Variants in GPR107 observed in about 807,000 individuals in gnomAD.
The protein encoded by GPR107 is protein GPR107.
GPR107 carries 31 observed loss-of-function variants against 75.5 expected under a neutral mutation model. The ratio of observed to expected loss-of-function variants is 0.41; its 90% CI spans 0.31 to 0.55. GPR107 has a LOEUF of 0.55. Among genes scored for constraint, GPR107 ranks in the 20% least tolerant of loss-of-function variants. The pLI, the probability that GPR107 is intolerant of heterozygous loss-of-function variation, is 0.26. For synonymous variants in GPR107, 267 were observed against 251.3 expected, an observed-to-expected ratio of 1.06 and a Z score of -0.59; for missense variants, 572 against 665.7, an observed-to-expected ratio of 0.86 and a Z score of 1.55.
chr9:130,080,294 A>G (rs917273603), intron 5 of GPR107, among the ~76,000 whole-genome samples: 2 of 152,180 alleles, frequency 1.3e-5, no homozygotes, highest in African/African-American at 4.8e-5. Flanking sequence ...AAGGATATGA[A>G]TGCATTTGAG....
At chr9:130,089,789 G>A (rs1413635635) in intron 7 of GPR107, among the ~76,000 whole-genome samples, 1 of 152,102 alleles carries the variant, frequency 6.6e-6, no homozygotes, top group African/African-American at 2.4e-5. Context: ...CATTGAGTTT[G>A]GCACATGGTT....
chr9:130,135,601 G>A lies in GPR107; in HGVS notation c.*480G>A, dbSNP rs144203748. The A allele has an allele frequency of 6.6e-6, 1 of 151,972 alleles. No individual in the cohort carries two copies. Among genetic ancestry groups the A allele is most frequent in the Non-Finnish European group, 1.5e-5 (1 of 68,682 alleles). The allele number at this position is 151,972 out of a possible 1,614,324, so 9.4% of individuals were successfully genotyped here. ...GGGGAGAGTGCCATTGCCTGTTTGG[G>A]AGACAAAAATGAACGAAAACAGGTG... On this transcript the variant is annotated 3_prime_UTR_variant, in exon 18 of 18. Coordinates refer to ENST00000347136, the MANE Select transcript of GPR107 (RefSeq NM_020960.5).
chr9:130,080,838 A>T (rs1830478917), intron 5 of GPR107, among the ~76,000 whole-genome samples: 1 of 151,444 alleles, frequency 6.6e-6, no homozygotes, highest in Admixed American at 6.6e-5. Flanking sequence ...CTTTTTCTCC[A>T]TGTGTTGATT....
At chr9:130,124,824 TG>T in intron 14 of GPR107, 90 bp from the exon 15 acceptor site, 1 of 731,162 alleles carries the variant, frequency 1.4e-6, no homozygotes, top group Non-Finnish European at 2.3e-6. Flanking sequence ...GCATTAGAGG[TG>T]GCCTCTTGAC....
Position 130,112,121 on chromosome 9 carries a change from C to T in GPR107, c.1306+4582C>T, listed in dbSNP as rs1831322842. ...TAAATTTAATTAACAGTCTCTGCTGCTCACCATCCTTTTTTTGGGCCTTGT... is the reference window on the plus strand; with the variant it reads ...TAAATTTAATTAACAGTCTCTGCTGTTCACCATCCTTTTTTTGGGCCTTGT... On this transcript the variant is annotated intron_variant, in intron 14 of 17. Transcript: ENST00000347136. The surrounding 1 kb of genome is among the most constrained non-coding windows in gnomAD (Gnocchi z 4.0). 6.6e-6 allele frequency among the ~76,000 whole-genome samples: 1 copy of T among 152,234 alleles called. No individual in the cohort carries two copies. The highest frequency in any genetic ancestry group is 2.1e-4 in the South Asian group (1 of 4,834).
chr9:130,124,639 T>G (rs576139153), intron 14 of GPR107, among the ~76,000 whole-genome samples: 2 of 152,314 alleles, frequency 1.3e-5, no homozygotes, highest in African/African-American at 4.8e-5. Flanking sequence ...ACTCCCACCA[T>G]AGCCAGGTTA....
rs1304908722 is a variant in GPR107 at position 130,136,266 on chromosome 9, C to G, written c.*1145C>G. The G allele has an allele frequency of 6.6e-6, 1 of 152,170 alleles. No individual in the cohort carries two copies. The highest frequency in any genetic ancestry group is 1.5e-5 in the Non-Finnish European group (1 of 68,036). The allele number at this position is 152,170 out of a possible 1,614,324, so 9.4% of individuals were successfully genotyped here. ...TCACAGAAACTCAATGATTAAGTTCCCTTCCACACTTCCAGAGCTTGAATG... is the reference window on the plus strand; with the variant it reads ...TCACAGAAACTCAATGATTAAGTTCGCTTCCACACTTCCAGAGCTTGAATG... On this transcript the variant is annotated 3_prime_UTR_variant, in exon 18 of 18. Coordinates refer to ENST00000347136, the MANE Select transcript of GPR107 (RefSeq NM_020960.5).
At chr9:130,068,577 A>C (rs1467984477) in intron 1 of GPR107, among the ~76,000 whole-genome samples, 1 of 152,164 alleles carries the variant, frequency 6.6e-6, no homozygotes, top group Non-Finnish European at 1.5e-5. Flanking sequence ...TATAAGAAAA[A>C]CTAAATTGAG....
Position 130,086,911 on chromosome 9 carries a change from C to T in GPR107, c.621+435C>T, listed in dbSNP as rs373530121. On this transcript the variant is annotated intron_variant, in intron 7 of 17. Coordinates refer to ENST00000347136, the MANE Select transcript of GPR107 (RefSeq NM_020960.5). ...CAGAGGCTTTGAGTGACCTGCTTAG[C>T]TGTCAGAGTTATTAATTGCCCATGA... Among the ~76,000 whole-genome samples, 4 of 152,276 alleles carry T rather than the reference C, an allele frequency of 2.6e-5. No homozygotes were observed. In the South Asian group the frequency reaches 8.3e-4, roughly 32 times the overall value.
intron 7 of GPR107, among the ~76,000 whole-genome samples, chr9:130,090,569 T>C (rs1194963524): frequency 6.6e-6 from 1 of 152,236 alleles, no homozygotes; most frequent in African/African-American, 2.4e-5. Flanking sequence ...TGTGGCTATG[T>C]ATCTTTCACT....
At chr9:130,130,803 G>A (rs574497380) in intron 17 of GPR107, among the ~76,000 whole-genome samples, 2 of 151,296 alleles carry the variant, frequency 1.3e-5, no homozygotes, top group South Asian at 4.2e-4. Flanking sequence ...TCGGAAGGCG[G>A]AGGTTGCAGT....
chr9:130,083,293 G>C lies in GPR107; in HGVS notation c.527-272G>C, dbSNP rs536641221. ...GAAGTCATTCCATGTGGCCTCTCTGGCAATAACATAAGCTAGAATATCCAG... is the reference window on the plus strand; with the variant it reads ...GAAGTCATTCCATGTGGCCTCTCTGCCAATAACATAAGCTAGAATATCCAG... On this transcript the variant is annotated intron_variant, in intron 5 of 17. Coordinates refer to ENST00000347136, the MANE Select transcript of GPR107 (RefSeq NM_020960.5). The C allele has an allele frequency of 2.7e-5, 7 of 263,604 alleles. No homozygotes were observed. The South Asian group carries it at 9.9e-4, about 37-fold the overall frequency. 16.3% of individuals were successfully genotyped at this position (263,604 alleles called of 1,614,324 possible).
chr9:130,072,686 A>G (rs1353011028), intron 1 of GPR107, among the ~76,000 whole-genome samples: 1 of 152,142 alleles, frequency 6.6e-6, no homozygotes, highest in Non-Finnish European at 1.5e-5. Context: ...ATGATGATGC[A>G]AAGGTTTAAA....
At chr9:130,080,169 T>G (rs1430357577) in intron 5 of GPR107, among the ~76,000 whole-genome samples, 1 of 152,218 alleles carries the variant, frequency 6.6e-6, no homozygotes, top group Non-Finnish European at 1.5e-5. Flanking sequence ...AGGAGACACA[T>G]TTCCATTTTT....
At chr9:130,095,769 G>A (rs1015079105) in intron 9 of GPR107, among the ~76,000 whole-genome samples, 3 of 152,092 alleles carry the variant, frequency 2.0e-5, no homozygotes, top group Non-Finnish European at 4.4e-5. Flanking sequence ...AATTTTTGTT[G>A]GAGTATAGTG....
At position 130,079,785 on chromosome 9, in the gene GPR107, G is replaced by GA. The variant is rs1215939852; in HGVS notation, c.526+19dup. The GA allele has an allele frequency of 6.4e-7, 1 of 1,556,940 alleles. No homozygotes were observed. Among genetic ancestry groups the GA allele is most frequent in the Non-Finnish European group, 8.7e-7 (1 of 1,149,828 alleles). ...AAGACACAAGGTAAACCGTAAGGTGGAAACTGGCTTTCAGTTTTCACTACC... is the reference window on the plus strand; with the variant it reads ...AAGACACAAGGTAAACCGTAAGGTGGAAAACTGGCTTTCAGTTTTCACTACC... On this transcript the variant is annotated intron_variant, in intron 5 of 17. Transcript: ENST00000347136.
chr9:130,107,001 G>T (rs1371323094), intron 13 of GPR107, among the ~76,000 whole-genome samples: 1 of 152,158 alleles, frequency 6.6e-6, no homozygotes, highest in Non-Finnish European at 1.5e-5. Context: ...GCCCCAGACA[G>T]TGTCCCTGGA....
At chr9:130,105,955 C>T (rs1280806236) in intron 13 of GPR107, among the ~76,000 whole-genome samples, 1 of 152,132 alleles carries the variant, frequency 6.6e-6, no homozygotes, top group Non-Finnish European at 1.5e-5. Context: ...CCACCGCACC[C>T]AGTGGAATAT....
At chr9:130,125,072 G>A in intron 15 of GPR107, 108 bp downstream of exon 15, 2 of 476,774 alleles carry the variant, frequency 4.2e-6, no homozygotes, top group Non-Finnish European at 7.3e-6. Context: ...GCCACCTGGA[G>A]CTGAGCAGTG....
Sources: gnomAD v4.1 joint callset for allele counts (sites outside exome capture counted in the v4.1 genomes callset) on GRCh38, gnomAD v4.1.1 for gene constraint, Gnocchi (gnomAD v3.1) non-coding constraint, MANE v1.5 for transcripts, NCBI Gene and HGNC (gene_info 2026-07-23, HGNC 2026-07-21) for gene names.